The following TMEM170B variants were observed in gnomAD, a reference collection of about 807,000 sequenced individuals.
The protein encoded by TMEM170B is transmembrane protein 170B.
TMEM170B carries 6 observed loss-of-function variants against 13.0 expected under a neutral mutation model. The ratio of observed to expected loss-of-function variants is 0.46; its 90% confidence interval spans 0.25 to 0.91. TMEM170B has a LOEUF of 0.91. TMEM170B is among the 40% of genes least tolerant of loss of function. The probability of loss-of-function intolerance (pLI) is 0.17; values close to 1 mark genes in which losing one functional copy is unlikely to be tolerated. For missense variants in TMEM170B, 138 were observed against 165.2 expected, an observed-to-expected ratio of 0.84 and a Z score of 0.90; for synonymous variants, 61 against 64.9, an observed-to-expected ratio of 0.94 and a Z score of 0.29.
chr6:11,548,925 G>A (rs1419606694), intron 1 of TMEM170B, among the ~76,000 whole-genome samples: 1 of 151,714 alleles, frequency 6.6e-6, no homozygotes, highest in African/African-American at 2.4e-5. Flanking sequence ...GGTCTGTCAT[G>A]GGGTGGGGGG....
In TMEM170B at chr6:11,576,624, A is replaced by C. The variant is rs1759877053; in HGVS notation, c.*1063A>C. ...TGGAAATAAAGACCTCATTTGTAGA[A>C]ATAAGTAACAAGTAAGTTATATAGG... On this transcript the variant is annotated 3_prime_UTR_variant, in exon 3 of 3. Coordinates refer to ENST00000379426, the MANE Select transcript of TMEM170B (RefSeq NM_001100829.3). The C allele has an allele frequency of 6.6e-6, 1 of 152,206 alleles. No individual in the cohort carries two copies. Among genetic ancestry groups the C allele is most frequent in the Non-Finnish European group, 1.5e-5 (1 of 68,004 alleles). 9.4% of individuals were successfully genotyped at this position (152,206 alleles called of 1,614,324 possible). A position where few individuals can be genotyped will look rare whatever the true frequency, so the allele number is the denominator to read the frequency against.
intron 2 of TMEM170B, among the ~76,000 whole-genome samples, chr6:11,572,856 ATGTTT>A (rs555120597): frequency 3.3e-5 from 5 of 152,160 alleles, no homozygotes; most frequent in African/African-American, 1.2e-4. Context: ...GTATTGTTTT[ATGTTT>A]TATTTTCTTT....
In TMEM170B at chr6:11,575,488, C is replaced by T. The variant is rs762201483; in HGVS notation, c.326C>T (p.Ala109Val). ...VAGKNMAPLE[A>V]LVWGVGQTVL... ...GGGAAGAACATGGCCCCTTTGGAAG[C>T]GCTGGTATGGGGCGTTGGACAGACT... The change falls in exon 3 of 3, where the codon GCG (alanine) becomes GTG (valine). Residue 109 changes from alanine (A) to valine (V), a missense_variant. Transcript: ENST00000379426. The surrounding 1 kb of genome is among the most constrained non-coding windows in gnomAD (Gnocchi z 4.1). 4.3e-6 allele frequency: 7 copies of T among 1,613,452 alleles called. No homozygotes were observed. Among genetic ancestry groups the T allele is most frequent in the Admixed American group, 3.3e-5 (2 of 59,986 alleles).
In TMEM170B at chr6:11,575,493, G is replaced by C. The variant is rs2113785513; in HGVS notation, c.331G>C (p.Val111Leu). The C allele has an allele frequency of 6.2e-7, 1 of 1,613,528 alleles. No homozygotes were observed. Among genetic ancestry groups the C allele is most frequent in the East Asian group, 2.2e-5 (1 of 44,880 alleles). Residue 111 changes from valine to leucine, a missense_variant, in exon 3 of 3, where the codon GTA becomes CTA. Physicochemically the swap from Val to Leu is conservative, Grantham distance 32 (BLOSUM62 1). Transcript: ENST00000379426. The surrounding 1 kb of genome is among the most constrained non-coding windows in gnomAD (Gnocchi z 4.1). The stretch of plus-strand genomic sequence containing the variant: ...GAACATGGCCCCTTTGGAAGCGCTG[G>C]TATGGGGCGTTGGACAGACTGTACT... ...GKNMAPLEAL[V>L]WGVGQTVLTL... is the part of the protein sequence containing the mutation.
intron 1 of TMEM170B, among the ~76,000 whole-genome samples, chr6:11,543,138 A>G (rs2113761134): frequency 6.6e-6 from 1 of 152,240 alleles, no homozygotes; most frequent in South Asian, 2.1e-4. Flanking sequence ...CAATTACGTT[A>G]TAATTTGTAT....
chr6:11,544,163 G>T (rs554477041), intron 1 of TMEM170B, among the ~76,000 whole-genome samples: 1 of 152,258 alleles, frequency 6.6e-6, no homozygotes, highest in East Asian at 1.9e-4. Flanking sequence ...ACTCAGGCAG[G>T]TCGAGAGAGA....
At chr6:11,568,594 A>T (rs1372398842) in intron 2 of TMEM170B, among the ~76,000 whole-genome samples, 1 of 152,210 alleles carries the variant, frequency 6.6e-6, no homozygotes, top group Admixed American at 6.5e-5. Context: ...CTGCAGTGTT[A>T]TATTTTTAAA....
intron 1 of TMEM170B, among the ~76,000 whole-genome samples, chr6:11,544,729 T>C (rs1759407863): frequency 6.6e-6 from 1 of 152,220 alleles, no homozygotes; most frequent in South Asian, 2.1e-4. Context: ...TTTCTGTACA[T>C]ATCACTTCTT....
chr6:11,545,674 C>T (rs1759428690), intron 1 of TMEM170B, among the ~76,000 whole-genome samples: 1 of 151,776 alleles, frequency 6.6e-6, no homozygotes, highest in Non-Finnish European at 1.5e-5. Context: ...AACTGTGTTA[C>T]TGGCTTATGT....
At chr6:11,558,199 T>G (rs1362183893) in intron 1 of TMEM170B, among the ~76,000 whole-genome samples, 2 of 152,196 alleles carry the variant, frequency 1.3e-5, no homozygotes, top group African/African-American at 4.8e-5. Context: ...ATTTAAAGTT[T>G]TTATTGGGTC....
At chr6:11,567,435 G>C (rs979787746) in intron 2 of TMEM170B, among the ~76,000 whole-genome samples, 1 of 152,158 alleles carries the variant, frequency 6.6e-6, no homozygotes, top group Non-Finnish European at 1.5e-5. Flanking sequence ...AGATAAGAAG[G>C]CAACCTTGTC....
rs1458129998 is a variant in TMEM170B, at chr6:11,538,186, GGAGCCGCGCACCCGCCGCCGCCCCCC to G, written c.-86_-61del. 4.7e-5 allele frequency: 20 copies of G among 422,838 alleles called. No homozygotes were observed. Among genetic ancestry groups the G allele is most frequent in the Non-Finnish European group, 6.0e-5 (18 of 297,752 alleles). 26.2% of individuals were successfully genotyped at this position (422,838 alleles called of 1,614,324 possible). On this transcript the variant is annotated 5_prime_UTR_variant, in exon 1 of 3. Coordinates refer to ENST00000379426, the MANE Select transcript of TMEM170B (RefSeq NM_001100829.3). ...CCTCCACCAGCGGCGGCGGCCTGGAGGAGCCGCGCACCCGCCGCCGCCCCCCGAGCCTCGCAGCCGCCGCCGCCGCC... is the reference window on the plus strand; with the variant it reads ...CCTCCACCAGCGGCGGCGGCCTGGAGGAGCCTCGCAGCCGCCGCCGCCGCC...
rs879271530 is a variant in TMEM170B at position 11,538,372 on chromosome 6, C to T, written c.95C>T (p.Thr32Met). The T allele has an allele frequency of 3.3e-6, 5 of 1,511,248 alleles. No individual in the cohort carries two copies. Among genetic ancestry groups the T allele is most frequent in the Non-Finnish European group, 4.4e-6 (5 of 1,132,324 alleles). The allele number at this position is 1,511,248 out of a possible 1,614,324, so 93.6% of individuals were successfully genotyped here. The change falls in exon 1 of 3, where the codon ACG becomes ATG. Residue 32 changes from threonine to methionine, a missense_variant and splice_region_variant. Physicochemically the swap from Thr to Met is moderately conservative, Grantham distance 81 (BLOSUM62 -1). Transcript: ENST00000379426. ...WAHGTVLRNL[T>M]EMWYWIFLWA... is the part of the protein sequence containing the mutation. Reference sequence around the variant, plus strand: ...CACGGGACGGTGCTGAGGAACCTCACGGGTAATTGACGCGCCTGGGCTGGG... The same window carrying T: ...CACGGGACGGTGCTGAGGAACCTCATGGGTAATTGACGCGCCTGGGCTGGG...
chr6:11,575,419 G>T lies in TMEM170B; in HGVS notation c.269-12G>T, dbSNP rs376163897. Reference sequence around the variant, plus strand: ...GACTGTATCCCTTCATTTTTCTCCCGTTTCTCCTTAGGTGCAGCAGTAGCG... The same window carrying T: ...GACTGTATCCCTTCATTTTTCTCCCTTTTCTCCTTAGGTGCAGCAGTAGCG... On this transcript the variant is annotated splice_polypyrimidine_tract_variant and intron_variant, in intron 2 of 2. Transcript: ENST00000379426. The surrounding 1 kb of genome is among the most constrained non-coding windows in gnomAD (Gnocchi z 4.1). 1.8e-4 allele frequency: 287 copies of T among 1,612,336 alleles called. No individual in the cohort carries two copies. Among genetic ancestry groups the T allele is most frequent in the Non-Finnish European group, 2.2e-4 (265 of 1,179,106 alleles).
At chr6:11,564,093 G>C (rs535567793) in intron 1 of TMEM170B, among the ~76,000 whole-genome samples, 4 of 152,194 alleles carry the variant, frequency 2.6e-5, no homozygotes, top group Non-Finnish European at 4.4e-5. Context: ...TTTTAAAACT[G>C]AGTAATTTTT....
intron 2 of TMEM170B, among the ~76,000 whole-genome samples, chr6:11,573,242 G>C (rs1304023069): frequency 6.6e-6 from 1 of 151,870 alleles, no homozygotes; most frequent in Non-Finnish European, 1.5e-5. Flanking sequence ...GTGTACTTTT[G>C]TTTTTAACAT....
intron 1 of TMEM170B, among the ~76,000 whole-genome samples, chr6:11,559,019 A>C (rs1283445905): frequency 6.6e-6 from 1 of 152,226 alleles, no homozygotes; most frequent in Non-Finnish European, 1.5e-5. Context: ...TTTTGGCTTC[A>C]TGGGCCATAT....
At chr6:11,565,481 C>T (rs190739540) in intron 1 of TMEM170B, among the ~76,000 whole-genome samples, 185 bp from the exon 2 acceptor site, 1 of 152,290 alleles carries the variant, frequency 6.6e-6, no homozygotes, top group East Asian at 1.9e-4. Context: ...ATTTCCCCAT[C>T]AGGCATCAGC....
intron 1 of TMEM170B, 134 bp from the exon 2 acceptor site, chr6:11,565,532 T>G (rs1422703399): frequency 1.2e-6 from 1 of 813,126 alleles, no homozygotes; most frequent in East Asian, 2.5e-5. Flanking sequence ...GCTACTTGTG[T>G]CAGGCACTGT....
Sources: allele counts gnomAD v4.1 joint callset (sites outside exome capture counted in the v4.1 genomes callset), GRCh38; gene constraint gnomAD v4.1.1; non-coding constraint Gnocchi (gnomAD v3.1); transcripts MANE v1.5; gene names NCBI Gene and HGNC (gene_info 2026-07-23, HGNC 2026-07-21).